ENOX2: variants seen among roughly 807,000 people sequenced by gnomAD.
ENOX2 encodes ecto-NOX disulfide-thiol exchanger 2, also known as APK1 antigen.
ENOX2 carries 36 observed loss-of-function variants against 45.0 expected under a neutral mutation model. The observed-to-expected ratio is 0.80, with a 90% CI of 0.61 to 1.06. The LOEUF (loss-of-function observed/expected upper bound fraction) is 1.06, where lower values mean the gene tolerates loss of function less well. ENOX2 is among the 50% of genes least tolerant of loss of function. The probability of loss-of-function intolerance (pLI) is 0.00; values close to 1 mark genes in which losing one functional copy is unlikely to be tolerated. For synonymous variants in ENOX2, 174 were observed against 152.3 expected (o/e 1.14, Z -1.05); for missense variants, 423 against 462.5 (o/e 0.91, Z 0.78).
chrX:130,763,606 C>T (rs1298780426), intron 3 of ENOX2, among the ~76,000 whole-genome samples: 1 of 110,998 alleles, frequency 9.0e-6, no homozygotes, highest in African/African-American at 3.3e-5. Context: ...TGGCAGCTCA[C>T]ACCTGTAATC....
rs148951451 is a variant in ENOX2, at chrX:130,829,650, A to G, written c.-182-45960T>C. Among the ~76,000 whole-genome samples the G allele has an allele frequency of 9.0e-5, 10 of 111,697 alleles. No homozygotes were observed. In the East Asian group the frequency reaches 2.8e-3, roughly 32 times the overall value. On this transcript the variant is annotated intron_variant, in intron 2 of 14. Transcript: ENST00000394363. ...ATTTTTTGAGGGTACAGTACATGCC[A>G]GAAACTGTTCTAGGAGCTTTACACA...
At chrX:130,718,983 C>T (rs376623000) in intron 3 of ENOX2, among the ~76,000 whole-genome samples, 5 of 112,186 alleles carry the variant, frequency 4.5e-5, no homozygotes, top group African/African-American at 1.6e-4. Context: ...GAAATGTATG[C>T]AAGATGTGCT....
At chrX:130,851,989 A>G (rs1361527561) in intron 2 of ENOX2, among the ~76,000 whole-genome samples, 1 of 111,904 alleles carries the variant, frequency 8.9e-6, no homozygotes, top group Non-Finnish European at 1.9e-5. Context: ...GACTTTTCCA[A>G]TTTTCAATTT....
chrX:130,687,183 G>A (rs1435856883), intron 5 of ENOX2, among the ~76,000 whole-genome samples: 1 of 112,237 alleles, frequency 8.9e-6, no homozygotes, highest in African/African-American at 3.2e-5. Flanking sequence ...TCATAAACAA[G>A]GCATCTGTAC....
intron 2 of ENOX2, among the ~76,000 whole-genome samples, chrX:130,822,003 G>A (rs1431152260): frequency 9.7e-6 from 1 of 102,973 alleles, no homozygotes; most frequent in Admixed American, 1.1e-4. Flanking sequence ...AGGAGGCAGA[G>A]GTTGCAGTGA....
At chrX:130,833,011 T>TCACACACACACACA (rs10568834) in intron 2 of ENOX2, among the ~76,000 whole-genome samples, 5 of 82,994 alleles carry the variant, frequency 6.0e-5, no homozygotes, top group Admixed American at 1.3e-4. Context: ...TCATGTATAA[T>TCACACACACACACA]CACACACACA....
chrX:130,852,630 A>G (rs1203706846), intron 2 of ENOX2, among the ~76,000 whole-genome samples: 1 of 111,394 alleles, frequency 9.0e-6, no homozygotes, highest in Non-Finnish European at 1.9e-5. Context: ...ACCCAGGAAG[A>G]GGTCACTAAA....
At chrX:130,884,718 A>G (rs900965760) in intron 2 of ENOX2, among the ~76,000 whole-genome samples, 1 of 110,147 alleles carries the variant, frequency 9.1e-6, no homozygotes, top group African/African-American at 3.3e-5. Context: ...AAGAATGCTG[A>G]TCTATGAGAG....
At chrX:130,686,379 G>A (rs991788699) in intron 5 of ENOX2, among the ~76,000 whole-genome samples, 1 of 111,166 alleles carries the variant, frequency 9.0e-6, no homozygotes, top group Admixed American at 9.5e-5. Context: ...CCTGCCACAC[G>A]AGACACCTCG....
At chrX:130,885,609 G>C (rs1489260306) in intron 2 of ENOX2, among the ~76,000 whole-genome samples, 2 of 112,085 alleles carry the variant, frequency 1.8e-5, no homozygotes, top group Non-Finnish European at 3.8e-5. Context: ...CACCTAGTTA[G>C]ATTTGAAATT....
chrX:130,645,668 G>GT (rs1232560378), intron 10 of ENOX2: 1 of 492,079 alleles, frequency 2.0e-6, no homozygotes, highest in Non-Finnish European at 3.3e-6. Context: ...AGCACCTAAG[G>GT]GCTGGGCCTG....
chrX:130,709,547 G>A (rs1004802723), intron 3 of ENOX2, among the ~76,000 whole-genome samples: 1 of 104,340 alleles, frequency 9.6e-6, no homozygotes, highest in Non-Finnish European at 1.9e-5. Flanking sequence ...GCTGAGGCAC[G>A]AGAATCACTT....
At chrX:130,877,146 C>T (rs922880192) in intron 2 of ENOX2, among the ~76,000 whole-genome samples, 2 of 111,731 alleles carry the variant, frequency 1.8e-5, no homozygotes. Flanking sequence ...TAAATGAGTA[C>T]TTACATATTC....
intron 3 of ENOX2, among the ~76,000 whole-genome samples, chrX:130,733,184 TAAC>T (rs2038777409): frequency 8.9e-6 from 1 of 111,757 alleles, no homozygotes; most frequent in African/African-American, 3.2e-5. Flanking sequence ...CAAAGAAACT[TAAC>T]AGCCTAATTT....
intron 2 of ENOX2, among the ~76,000 whole-genome samples, chrX:130,888,083 G>A (rs1244096218): frequency 9.0e-6 from 1 of 111,651 alleles, no homozygotes; most frequent in African/African-American, 3.3e-5. Flanking sequence ...TTCCCCAAGC[G>A]CAGCTTTCAC....
chrX:130,624,199 G>A lies in ENOX2; in HGVS notation c.*1115C>T, dbSNP rs2035486521. 1.8e-5 allele frequency: 2 copies of A among 111,740 alleles called. No homozygotes were observed. The highest frequency in any genetic ancestry group is 2.8e-4 in the East Asian group (1 of 3,552). The allele number at this position is 111,740 out of a possible 1,213,427, so 9.2% of individuals were successfully genotyped here. A position where few individuals can be genotyped will look rare whatever the true frequency, so the allele number is the denominator to read the frequency against. On this transcript the variant is annotated 3_prime_UTR_variant, in exon 15 of 15. Transcript: ENST00000394363. Reference sequence around the variant, plus strand: ...TGGTCCACTCACATGCTGCCATTGCGATTTGCCGATGGGCACTACCAAGGT... The same window carrying A: ...TGGTCCACTCACATGCTGCCATTGCAATTTGCCGATGGGCACTACCAAGGT...
At chrX:130,856,367 C>G (rs2078308748) in intron 2 of ENOX2, among the ~76,000 whole-genome samples, 1 of 111,824 alleles carries the variant, frequency 8.9e-6, no homozygotes, top group African/African-American at 3.3e-5. Context: ...AGCTACAGTA[C>G]CAGGTAGGTG....
At chrX:130,775,399 T>G (rs2039833178) in intron 3 of ENOX2, among the ~76,000 whole-genome samples, 1 of 110,161 alleles carries the variant, frequency 9.1e-6, no homozygotes, top group Non-Finnish European at 1.9e-5. Flanking sequence ...AATACTAATA[T>G]TATAAAAAAA....
chrX:130,681,463 T>C (rs73229066), intron 5 of ENOX2, among the ~76,000 whole-genome samples: 1 of 111,859 alleles, frequency 8.9e-6, no homozygotes, highest in Non-Finnish European at 1.9e-5. Flanking sequence ...TGAAAACTAT[T>C]GACTTAGTCT....
Sources: allele counts gnomAD v4.1 joint callset (sites outside exome capture counted in the v4.1 genomes callset), GRCh38; gene constraint gnomAD v4.1.1; transcripts MANE v1.5; gene names NCBI Gene and HGNC (gene_info 2026-07-23, HGNC 2026-07-21).